The following CADM1 variants were observed in gnomAD, a reference collection of about 807,000 sequenced individuals.
CADM1 encodes the protein cell adhesion molecule 1.
Under a neutral mutation model 53.1 loss-of-function variants are expected in CADM1, and 15 were observed. The observed-to-expected ratio is 0.28, with a 90% confidence interval of 0.19 to 0.44. The LOEUF is 0.44. Ranked by LOEUF, CADM1 falls within the 20% of genes least tolerant of loss-of-function variation. The pLI is 1.00. For synonymous variants in CADM1, 281 were observed against 243.0 expected, an observed-to-expected ratio of 1.16 and a Z score of -1.45; for missense variants, 434 against 611.3, an observed-to-expected ratio of 0.71 and a Z score of 3.06.
At chr11:115,349,610 G>T (rs1945673044) in intron 1 of CADM1, among the ~76,000 whole-genome samples, 1 of 152,170 alleles carries the variant, frequency 6.6e-6, no homozygotes, top group Non-Finnish European at 1.5e-5. Flanking sequence ...TCATTCCGAA[G>T]CCAGATTCTG....
At chr11:115,180,896 AT>A (rs1211376627) in intron 10 of CADM1, among the ~76,000 whole-genome samples, 2 of 152,150 alleles carry the variant, frequency 1.3e-5, no homozygotes, top group African/African-American at 4.8e-5. Flanking sequence ...CTTCAGACCT[AT>A]TAAAATTTAT....
intron 5 of CADM1, among the ~76,000 whole-genome samples, chr11:115,220,600 T>G (rs944254531): frequency 6.6e-6 from 1 of 152,076 alleles, no homozygotes; most frequent in African/African-American, 2.4e-5. Flanking sequence ...TACAGAAAAA[T>G]GTTCCCCTCT....
At chr11:115,401,228 G>A (rs1159057167) in intron 1 of CADM1, among the ~76,000 whole-genome samples, 6 of 152,178 alleles carry the variant, frequency 3.9e-5, no homozygotes, top group African/African-American at 1.4e-4. Context: ...ATTAATAAAT[G>A]AAGAAGCCAA....
At chr11:115,381,935 TC>T (rs1946589058) in intron 1 of CADM1, among the ~76,000 whole-genome samples, 1 of 152,096 alleles carries the variant, frequency 6.6e-6, no homozygotes, top group African/African-American at 2.4e-5. Flanking sequence ...AACCTCTGCC[TC>T]CCGGGTTCAA....
intron 3 of CADM1, among the ~76,000 whole-genome samples, chr11:115,232,813 T>C (rs1941868175): frequency 6.6e-6 from 1 of 152,214 alleles, no homozygotes; most frequent in Non-Finnish European, 1.5e-5. Context: ...ATATATGTCC[T>C]GACCACCATG....
At chr11:115,307,517 A>ATATATATAT (rs1555060904) in intron 1 of CADM1, among the ~76,000 whole-genome samples, 14 of 144,302 alleles carry the variant, frequency 9.7e-5, no homozygotes, top group African/African-American at 3.6e-4. Flanking sequence ...GGAAAAAAAA[A>ATATATATAT]ATATATATAT....
intron 1 of CADM1, among the ~76,000 whole-genome samples, chr11:115,251,172 G>T (rs567021270): frequency 6.6e-6 from 1 of 152,286 alleles, no homozygotes; most frequent in South Asian, 2.1e-4. Flanking sequence ...ACCCAAACTC[G>T]AAAGGCAGCT....
chr11:115,449,196 G>T (rs1948517557), intron 1 of CADM1, among the ~76,000 whole-genome samples: 1 of 152,308 alleles, frequency 6.6e-6, no homozygotes, highest in East Asian at 1.9e-4. Context: ...AACCTGCCAG[G>T]TATGCCTGCA....
intron 1 of CADM1, among the ~76,000 whole-genome samples, chr11:115,441,360 G>T (rs1948307306): frequency 6.6e-6 from 1 of 152,108 alleles, no homozygotes; most frequent in South Asian, 2.1e-4. Context: ...AGTTTGCAGA[G>T]ATATTGAATA....
intron 9 of CADM1, 68 bp downstream of exon 9, chr11:115,198,337 CT>C: frequency 9.1e-6 from 11 of 1,213,246 alleles, no homozygotes; most frequent in Non-Finnish European, 9.5e-6. Flanking sequence ...CTACATTTCT[CT>C]TTTTCCCAGG....
chr11:115,426,008 G>A (rs1183600014), intron 1 of CADM1, among the ~76,000 whole-genome samples: 2 of 152,154 alleles, frequency 1.3e-5, no homozygotes, highest in Non-Finnish European at 1.5e-5. Flanking sequence ...TGGAGGAAGG[G>A]AACGCTCTGC....
At chr11:115,230,318 G>C (rs1941771044) in intron 4 of CADM1, among the ~76,000 whole-genome samples, 1 of 151,902 alleles carries the variant, frequency 6.6e-6, no homozygotes, top group Admixed American at 6.6e-5. Flanking sequence ...ACTTACTTTG[G>C]CCCAAGTATT....
chr11:115,372,562 C>A (rs1191699741), intron 1 of CADM1, among the ~76,000 whole-genome samples: 2 of 151,944 alleles, frequency 1.3e-5, no homozygotes, highest in Non-Finnish European at 1.5e-5. Context: ...TGAAAGTTTG[C>A]AAATTTAACA....
chr11:115,259,300 T>TC (rs1261453837), intron 1 of CADM1, among the ~76,000 whole-genome samples: 1 of 101,468 alleles, frequency 9.9e-6, no homozygotes, highest in Non-Finnish European at 2.1e-5. Flanking sequence ...CTTTTTTTTT[T>TC]TTTTTTTTTT....
intron 1 of CADM1, among the ~76,000 whole-genome samples, chr11:115,321,358 T>G (rs544418114): frequency 1.3e-5 from 2 of 152,250 alleles, no homozygotes; most frequent in South Asian, 4.1e-4. Context: ...GCACAGTACT[T>G]GGGGAAAAAT....
chr11:115,343,749 C>T (rs1206932479), intron 1 of CADM1, among the ~76,000 whole-genome samples: 1 of 148,402 alleles, frequency 6.7e-6, no homozygotes, highest in Non-Finnish European at 1.5e-5. Context: ...GCATCGAATA[C>T]AGAAAAAGCA....
intron 1 of CADM1, among the ~76,000 whole-genome samples, chr11:115,481,897 C>T (rs1444078341): frequency 6.6e-6 from 1 of 152,164 alleles, no homozygotes; most frequent in Non-Finnish European, 1.5e-5. Context: ...AGTCTCTAAT[C>T]CTCCAGATTC....
intron 1 of CADM1, among the ~76,000 whole-genome samples, chr11:115,289,558 T>A (rs897663122): frequency 6.6e-6 from 1 of 150,860 alleles, no homozygotes; most frequent in Middle Eastern, 3.4e-3. Context: ...GAAGTGTGGC[T>A]ACAGCGACTA....
At chr11:115,220,191 GCAAA>G (rs1941353191) in intron 5 of CADM1, among the ~76,000 whole-genome samples, 1 of 152,032 alleles carries the variant, frequency 6.6e-6, no homozygotes, top group Non-Finnish European at 1.5e-5. Flanking sequence ...TAATTTACAA[GCAAA>G]CAGAGAGGGC....
Sources: gnomAD v4.1 joint callset for allele counts (sites outside exome capture counted in the v4.1 genomes callset) on GRCh38, gnomAD v4.1.1 for gene constraint, MANE v1.5 for transcripts, NCBI Gene and HGNC (gene_info 2026-07-23, HGNC 2026-07-21) for gene names.